Variants in CFAP90 observed in about 807,000 individuals in gnomAD.
CFAP90 encodes cilia- and flagella-associated protein 90.
the CFAP90 span, among the ~76,000 whole-genome samples, chr5:7,837,473 CAGG>C: frequency 1.4e-4 from 21 of 152,276 alleles, no homozygotes; most frequent in East Asian, 3.9e-3. Flanking sequence ...TTCCCTCCAA[CAGG>C]AGGATACAGA....
chr5:7,835,414 C>G, the CFAP90 span: 3 of 1,603,492 alleles, frequency 1.9e-6, no homozygotes, highest in Non-Finnish European at 2.6e-6. Context: ...AGGCTTTTTG[C>G]ATGTTCTCTG....
the CFAP90 span, among the ~76,000 whole-genome samples, chr5:7,833,769 G>A: frequency 1.8e-3 from 275 of 152,228 alleles, 1 homozygote; most frequent in African/African-American, 6.4e-3. Context: ...ATAATATTAA[G>A]TTGGTGCAAA....
At chr5:7,835,306 G>A in the CFAP90 span, 18 of 799,052 alleles carry the variant, frequency 2.3e-5, 1 homozygote, top group Admixed American at 3.4e-4. Flanking sequence ...AAAGTGAAGT[G>A]TAATAAAACT....
chr5:7,832,065 C>T, the CFAP90 span: 1 of 1,585,298 alleles, frequency 6.3e-7, no homozygotes, highest in Non-Finnish European at 8.6e-7. Context: ...GTCAGCACCA[C>T]TGCATTCGCC....
the CFAP90 span, among the ~76,000 whole-genome samples, chr5:7,849,876 C>A: frequency 6.6e-6 from 1 of 151,810 alleles, no homozygotes; most frequent in Admixed American, 6.5e-5. Flanking sequence ...GCAAGGCCTT[C>A]TTTCCTTGCT....
At chr5:7,835,526 T>C in the CFAP90 span, 2 of 1,361,322 alleles carry the variant, frequency 1.5e-6, no homozygotes, top group African/African-American at 2.9e-5. Flanking sequence ...AAGAAAGCCA[T>C]GGGTTAATTT....
At chr5:7,842,326 AC>A in the CFAP90 span, among the ~76,000 whole-genome samples, 2 of 145,288 alleles carry the variant, frequency 1.4e-5, no homozygotes. Flanking sequence ...AAAAAAAAAA[AC>A]AACAGAAAAA....
the CFAP90 span, among the ~76,000 whole-genome samples, chr5:7,836,888 G>C: frequency 6.6e-6 from 1 of 152,030 alleles, no homozygotes; most frequent in Admixed American, 6.6e-5. Context: ...CAGGGGTGGG[G>C]GTAGGGGGTG....
chr5:7,838,422 T>C, the CFAP90 span, among the ~76,000 whole-genome samples: 1 of 152,242 alleles, frequency 6.6e-6, no homozygotes, highest in Non-Finnish European at 1.5e-5. Context: ...AATTTGCTGC[T>C]GGCCTGCAGA....
the CFAP90 span, among the ~76,000 whole-genome samples, chr5:7,833,986 T>C: frequency 6.6e-6 from 1 of 152,182 alleles, no homozygotes; most frequent in Non-Finnish European, 1.5e-5. Context: ...TACTTGACAA[T>C]AATAATAAAT....
At chr5:7,849,922 C>A in the CFAP90 span, among the ~76,000 whole-genome samples, 3 of 152,106 alleles carry the variant, frequency 2.0e-5, no homozygotes, top group Non-Finnish European at 4.4e-5. Flanking sequence ...CCAGAGGGAG[C>A]CGCGCCCAGC....
At chr5:7,833,622 TAC>T in the CFAP90 span, among the ~76,000 whole-genome samples, 2 of 149,658 alleles carry the variant, frequency 1.3e-5, no homozygotes, top group Non-Finnish European at 3.0e-5. Flanking sequence ...TACATACATG[TAC>T]ACACATATAT....
the CFAP90 span, among the ~76,000 whole-genome samples, chr5:7,847,860 A>G: frequency 6.6e-6 from 1 of 152,212 alleles, no homozygotes; most frequent in South Asian, 2.1e-4. Context: ...TAGCTGGCCC[A>G]CAGGAGATGC....
the CFAP90 span, among the ~76,000 whole-genome samples, chr5:7,850,390 T>C: frequency 3.4e-5 from 5 of 145,236 alleles, no homozygotes; most frequent in South Asian, 1.1e-3. Flanking sequence ...GCTCCTCCTC[T>C]AGGGCCCCTC....
chr5:7,831,779 G>A, the CFAP90 span: 1 of 1,457,824 alleles, frequency 6.9e-7, no homozygotes, highest in Non-Finnish European at 9.4e-7. Flanking sequence ...GGCTCCAGAT[G>A]CCACCTTCTC....
At chr5:7,845,775 C>T in the CFAP90 span, among the ~76,000 whole-genome samples, 2 of 152,016 alleles carry the variant, frequency 1.3e-5, no homozygotes, top group South Asian at 4.2e-4. Flanking sequence ...CGTACAGGAG[C>T]CGATCACATT....
chr5:7,838,769 A>G, the CFAP90 span, among the ~76,000 whole-genome samples: 1 of 152,098 alleles, frequency 6.6e-6, no homozygotes, highest in Admixed American at 6.5e-5. Flanking sequence ...CAACGTGAAG[A>G]CCTAGTCTCT....
chr5:7,833,637 ATACACACATG>A, the CFAP90 span, among the ~76,000 whole-genome samples: 1 of 152,208 alleles, frequency 6.6e-6, no homozygotes, highest in Non-Finnish European at 1.5e-5. Flanking sequence ...ACATATATAC[ATACACACATG>A]TACACACATG....
At chr5:7,835,507 A>AAG in the CFAP90 span, 1 of 1,476,732 alleles carries the variant, frequency 6.8e-7, no homozygotes, top group Non-Finnish European at 9.3e-7. Flanking sequence ...GTCTAGGAAA[A>AAG]AAAAGAGAAA....
Sources: gnomAD v4.1 joint callset for allele counts (sites outside exome capture counted in the v4.1 genomes callset) on GRCh38, gnomAD v4.1.1 for gene constraint, MANE v1.5 for transcripts, NCBI Gene and HGNC (gene_info 2026-07-23, HGNC 2026-07-21) for gene names.